The following PRELID2 variants were observed in gnomAD, a reference collection of about 807,000 sequenced individuals.
PRELID2 encodes the protein PRELI domain containing 2, also known as PRELI domain-containing protein 2.
A neutral mutation model predicts 28.4 loss-of-function variants in PRELID2; 25 were observed. That is an observed-to-expected ratio of 0.88 (90% CI 0.64 to 1.23). The LOEUF (loss-of-function observed/expected upper bound fraction) is 1.23. PRELID2 is among the 50% of genes most tolerant of loss of function. PRELID2 has a pLI of 0.00. For missense variants in PRELID2, 201 were observed against 214.4 expected (o/e 0.94, Z 0.39); for synonymous variants, 76 against 71.6 (o/e 1.06, Z -0.31).
chr5:145,473,334 A>G (rs1468955697), intron 1 of PRELID2: 2 of 152,182 alleles, frequency 1.3e-5, no homozygotes, highest in African/African-American at 4.8e-5. Flanking sequence ...TAAAATGCAT[A>G]TTTTACAACA....
At chr5:145,503,149 C>A (rs1005930113) in intron 1 of PRELID2, among the ~76,000 whole-genome samples, 56 of 152,206 alleles carry the variant, frequency 3.7e-4, no homozygotes, top group Non-Finnish European at 1.0e-4. Context: ...AGAAGATGTA[C>A]CACAGAACCT....
intron 4 of PRELID2, among the ~76,000 whole-genome samples, chr5:145,802,742 C>T (rs1753217677): frequency 6.6e-6 from 1 of 152,104 alleles, no homozygotes; most frequent in Admixed American, 6.6e-5. Flanking sequence ...CAAAACAAAA[C>T]CCAATGGAAC....
At chr5:145,727,297 C>T (rs1333724805) in intron 1 of PRELID2, among the ~76,000 whole-genome samples, 2 of 152,106 alleles carry the variant, frequency 1.3e-5, no homozygotes, top group Non-Finnish European at 2.9e-5. Flanking sequence ...TCTATCCAAC[C>T]CACGAGGGGT....
chr5:145,689,418 C>G (rs1198370491), intron 1 of PRELID2, among the ~76,000 whole-genome samples: 1 of 152,258 alleles, frequency 6.6e-6, no homozygotes, highest in Non-Finnish European at 1.5e-5. Context: ...TGTTCCTCCT[C>G]TAGTTTCACA....
the PRELID2 span, among the ~76,000 whole-genome samples, chr5:145,285,045 A>G: frequency 1.3e-5 from 2 of 152,124 alleles, no homozygotes; most frequent in East Asian, 3.9e-4. Flanking sequence ...TATTAAGAAC[A>G]CTGGGGTTTA....
chr5:145,244,842 C>T, the PRELID2 span, among the ~76,000 whole-genome samples: 1 of 151,996 alleles, frequency 6.6e-6, no homozygotes, highest in African/African-American at 2.4e-5. Context: ...AAAATTTTGC[C>T]TATCCACAGT....
At chr5:145,687,554 T>C (rs144743105) in intron 1 of PRELID2, among the ~76,000 whole-genome samples, 266 of 152,328 alleles carry the variant, frequency 1.7e-3, no homozygotes, top group African/African-American at 6.1e-3. Context: ...ATAAAGGACA[T>C]GATTAAATCA....
At chr5:145,369,470 T>C in the PRELID2 span, among the ~76,000 whole-genome samples, 4 of 151,950 alleles carry the variant, frequency 2.6e-5, no homozygotes, top group South Asian at 4.1e-4. Context: ...TTTATGGCCG[T>C]GAAGTATTCC....
the PRELID2 span, among the ~76,000 whole-genome samples, chr5:145,417,778 A>G: frequency 1.3e-5 from 2 of 152,192 alleles, no homozygotes; most frequent in Admixed American, 6.5e-5. Context: ...CGATAAATCC[A>G]CAGCCATTAT....
At chr5:145,330,714 C>CA in the PRELID2 span, among the ~76,000 whole-genome samples, 1 of 152,004 alleles carries the variant, frequency 6.6e-6, no homozygotes, top group Non-Finnish European at 1.5e-5. Flanking sequence ...TTAATCTTTT[C>CA]AAAAAATAGC....
intron 4 of PRELID2, among the ~76,000 whole-genome samples, chr5:145,807,523 A>G (rs1354151291): frequency 6.6e-6 from 1 of 152,034 alleles, no homozygotes; most frequent in African/African-American, 2.4e-5. Context: ...AGCTCAGGCC[A>G]GCTTTATCCC....
intron 1 of PRELID2, among the ~76,000 whole-genome samples, chr5:145,507,339 TG>T (rs749583674): frequency 4.6e-5 from 7 of 151,854 alleles, no homozygotes; most frequent in African/African-American, 7.3e-5. Flanking sequence ...ATCTATAAAA[TG>T]GGGGGGAAAA....
chr5:145,470,449 C>A (rs184648704), downstream of PRELID2, among the ~76,000 whole-genome samples: 4 of 147,012 alleles, frequency 2.7e-5, no homozygotes, highest in African/African-American at 7.6e-5. Context: ...TACTCTGTAA[C>A]CTGCTAAGCC....
At position 145,656,042 on chromosome 5, in the gene PRELID2, A is replaced by G. The variant is rs569115188; in HGVS notation, n.70+108889T>C. 6.7e-4 allele frequency among the ~76,000 whole-genome samples: 102 copies of G among 152,342 alleles called. 1 individual carries two copies. Among genetic ancestry groups the G allele is most frequent in the Admixed American group, 6.7e-3 (102 of 15,300 alleles). On this transcript the variant is annotated intron_variant and non_coding_transcript_variant, in intron 1 of 2. Coordinates refer to the PRELID2 transcript ENST00000510259. ...ATATCCAGAATCTACAAAGAACTCA[A>G]ACAAATTTATGAGAAAAAAACAAAC...
intron 1 of PRELID2, among the ~76,000 whole-genome samples, chr5:145,750,326 T>C (rs149277128): frequency 3.1e-3 from 477 of 151,854 alleles, no homozygotes; most frequent in Middle Eastern, 0.024. Flanking sequence ...GTAGGCACTA[T>C]TGTTACTCCC....
chr5:145,230,144 T>G, the PRELID2 span: 1 of 488,174 alleles, frequency 2.0e-6, no homozygotes, highest in East Asian at 4.5e-5. Flanking sequence ...TAATTGTGCC[T>G]TGTTCTCCCC....
At chr5:145,413,312 A>T in the PRELID2 span, among the ~76,000 whole-genome samples, 2 of 123,218 alleles carry the variant, frequency 1.6e-5, no homozygotes, top group East Asian at 4.2e-4. Context: ...AAGAATGACC[A>T]TGATTAAAAG....
the PRELID2 span, among the ~76,000 whole-genome samples, chr5:145,423,320 C>T: frequency 6.6e-6 from 1 of 151,170 alleles, no homozygotes; most frequent in Non-Finnish European, 1.5e-5. Context: ...GGATAATATC[C>T]TGCAGAGTGT....
chr5:145,463,329 C>T, the PRELID2 span, among the ~76,000 whole-genome samples: 1 of 142,370 alleles, frequency 7.0e-6, no homozygotes, highest in African/African-American at 2.6e-5. Context: ...TAACTCAAAG[C>T]ATCCTATTTG....
Sources: allele counts gnomAD v4.1 joint callset (sites outside exome capture counted in the v4.1 genomes callset), GRCh38; gene constraint gnomAD v4.1.1; transcripts MANE v1.5; gene names NCBI Gene and HGNC (gene_info 2026-07-23, HGNC 2026-07-21).